EZH1: variants seen among roughly 807,000 people sequenced by gnomAD.
The protein encoded by EZH1 is enhancer of zeste 1 polycomb repressive complex 2 subunit.
EZH1 carries 33 observed loss-of-function variants against 100.5 expected under a neutral mutation model. That is an observed-to-expected ratio of 0.33 (90% CI 0.25 to 0.44). The LOEUF is 0.44. Among genes scored for constraint, EZH1 ranks in the 20% least tolerant of loss-of-function variants. EZH1 has a pLI of 1.00. For missense variants in EZH1, 475 were observed against 928.4 expected (o/e 0.51, Z 6.35); for synonymous variants, 272 against 313.8 (o/e 0.87, Z 1.41).
At chr17:42,733,377 C>T (rs910966754) in intron 1 of EZH1, among the ~76,000 whole-genome samples, 2 of 151,164 alleles carry the variant, frequency 1.3e-5, no homozygotes, top group Non-Finnish European at 2.9e-5. Context: ...GTGGCTCACG[C>T]CTGTAATCCC....
In EZH1 at chr17:42,712,434, G is replaced by A. The variant is rs1475668758; in HGVS notation, c.1256C>T (p.Pro419Leu). Reference protein sequence around the residue: ...TPTKQKASPAPPQLCVVEAPS... With the variant: ...TPTKQKASPALPQLCVVEAPS... Reference sequence around the variant, plus strand: ...TGCTTCCACTACGCAGAGTTGAGGTGGGGCTGGACTAGCCTTCTGTTTTGT... The same window carrying A: ...TGCTTCCACTACGCAGAGTTGAGGTAGGGCTGGACTAGCCTTCTGTTTTGT... Residue 419 changes from proline (P) to leucine (L), a missense_variant, in exon 12 of 21, where the codon CCA (proline) becomes CTA (leucine). Physicochemically the swap from Pro to Leu is moderately conservative, Grantham distance 98. Around this residue, in one of 8 missense-constraint regions of EZH1, gnomAD observed 83 missense variants for 142.1 expected, o/e 0.58. Transcript: ENST00000428826. 6.2e-7 allele frequency: 1 copy of A among 1,614,088 alleles called. No individual in the cohort carries two copies. The highest frequency in any genetic ancestry group is 2.2e-5 in the East Asian group (1 of 44,900).
intron 15 of EZH1, among the ~76,000 whole-genome samples, chr17:42,707,496 G>A (rs971288647): frequency 2.0e-5 from 3 of 152,186 alleles, no homozygotes; most frequent in Non-Finnish European, 4.4e-5. Context: ...CTGACCTTAA[G>A]TGATCTGCCC....
chr17:42,719,512 G>A (rs530341912), intron 7 of EZH1, among the ~76,000 whole-genome samples: 10 of 152,240 alleles, frequency 6.6e-5, no homozygotes, highest in Admixed American at 5.9e-4. Flanking sequence ...CGAGGGGAGC[G>A]GATCACTTGA....
intron 16 of EZH1, chr17:42,705,479 T>C (rs969608181): frequency 8.2e-6 from 2 of 242,670 alleles, no homozygotes; most frequent in African/African-American, 2.3e-5. Context: ...CAAAGGTGCA[T>C]ACACCTCGCA....
chr17:42,720,307 T>C lies in EZH1; in HGVS notation c.630A>G (p.Pro210=), dbSNP rs2053681201. ...GKQDDSKEDL[P]VTRKRKRHAI... ...CATGTCGCTTTCTCTTTCTTGTTAC[T>C]GGCAGATCTTCTTTGCTGTCATCCT... is the stretch of plus-strand genomic sequence containing the variant. The change falls in exon 7 of 21, where the codon CCA becomes CCG. Residue 210 remains proline, a synonymous_variant. Coordinates refer to ENST00000428826, the MANE Select transcript of EZH1 (RefSeq NM_001991.5). The C allele has an allele frequency of 6.2e-7, 1 of 1,614,100 alleles. No individual in the cohort carries two copies. The highest frequency in any genetic ancestry group is 1.1e-5 in the South Asian group (1 of 91,064).
At chr17:42,738,880 C>A (rs1323180975) in intron 1 of EZH1, among the ~76,000 whole-genome samples, 2 of 151,616 alleles carry the variant, frequency 1.3e-5, no homozygotes, top group Non-Finnish European at 2.9e-5. Flanking sequence ...TTGCCTCCAC[C>A]CCCCCTGAGT....
In EZH1 at chr17:42,723,035, C is replaced by G. The variant is rs2053746229; in HGVS notation, c.367-120G>C. ...TGAGTCTCCTGAAAATGCCTTTGTC[C>G]CAGAGTTTCCTGCATTTTAAACACT... On this transcript the variant is annotated intron_variant, in intron 5 of 20. Coordinates refer to ENST00000428826, the MANE Select transcript of EZH1 (RefSeq NM_001991.5). 2.2e-5 allele frequency: 30 copies of G among 1,385,816 alleles called. 2 individuals are homozygous for G. In the South Asian group the frequency reaches 4.3e-4, roughly 20 times the overall value. The allele number at this position is 1,385,816 out of a possible 1,614,324, so 85.8% of individuals were successfully genotyped here.
At chr17:42,744,889 A>G in intron 1 of EZH1, 122 bp downstream of exon 1, 1 of 1,056,272 alleles carries the variant, frequency 9.5e-7, no homozygotes, top group South Asian at 1.5e-5. Flanking sequence ...CCAGGCAGGC[A>G]GTGTGTCCCT....
intron 19 of EZH1, chr17:42,703,332 GC>G: frequency 3.4e-6 from 1 of 291,418 alleles, no homozygotes. Flanking sequence ...ACACCACCAC[GC>G]CCCCCAGCTG....
Position 42,725,782 on chromosome 17 carries a change from A to G in EZH1, c.247-1358T>C, listed in dbSNP as rs536206795. On this transcript the variant is annotated intron_variant, in intron 4 of 20. Transcript: ENST00000428826. ...AGACAGTGGACATCAACTTAGCTGC[A>G]TAGGTGATAGGGATAGTACATGGAG... 5.9e-5 allele frequency among the ~76,000 whole-genome samples: 9 copies of G among 152,368 alleles called. No individual in the cohort carries two copies. The South Asian group carries it at 1.0e-3, about 18-fold the overall frequency.
chr17:42,742,434 A>G (rs1435818107), intron 1 of EZH1, among the ~76,000 whole-genome samples: 2 of 152,116 alleles, frequency 1.3e-5, no homozygotes, highest in Non-Finnish European at 2.9e-5. Context: ...GTAAGCCATC[A>G]GCCCAGCCTC....
At position 42,739,955 on chromosome 17, in the gene EZH1, T is replaced by C. The variant is rs187766796; in HGVS notation, c.-103+5056A>G. ...CCCACCACCATGCCCAGCTAATTTT[T>C]TGTGTTTTCAGTAGAGACAGGGTTT... On this transcript the variant is annotated intron_variant, in intron 1 of 20. Coordinates refer to ENST00000428826, the MANE Select transcript of EZH1 (RefSeq NM_001991.5). 4.6e-3 allele frequency among the ~76,000 whole-genome samples: 693 copies of C among 151,588 alleles called. 13 individuals carry two copies. Among genetic ancestry groups the C allele is most frequent in the African/African-American group, 0.016 (663 of 41,368 alleles).
chr17:42,737,142 C>T (rs1258113597), intron 1 of EZH1, among the ~76,000 whole-genome samples: 1 of 152,060 alleles, frequency 6.6e-6, no homozygotes, highest in Non-Finnish European at 1.5e-5. Context: ...CATGCCACCG[C>T]GCCGAGCTAA....
intron 5 of EZH1, among the ~76,000 whole-genome samples, chr17:42,723,170 A>C (rs1454984905): frequency 6.6e-6 from 1 of 152,056 alleles, no homozygotes; most frequent in Non-Finnish European, 1.5e-5. Context: ...AGGTCAGGAG[A>C]TCGAGACCAT....
intron 2 of EZH1, among the ~76,000 whole-genome samples, 159 bp downstream of exon 2, chr17:42,730,669 T>C (rs1020361860): frequency 3.2e-4 from 48 of 151,432 alleles, no homozygotes; most frequent in African/African-American, 1.2e-3. Context: ...GCTAATTTTT[T>C]GTATTTTTAG....
chr17:42,711,575 G>A (rs1489529580), intron 12 of EZH1, among the ~76,000 whole-genome samples: 3 of 152,014 alleles, frequency 2.0e-5, no homozygotes, highest in East Asian at 1.9e-4. Flanking sequence ...CTTGGGAGGC[G>A]GAGGTTGCAG....
At chr17:42,742,526 A>G (rs908168965) in intron 1 of EZH1, among the ~76,000 whole-genome samples, 1 of 152,216 alleles carries the variant, frequency 6.6e-6, no homozygotes, top group Non-Finnish European at 1.5e-5. Flanking sequence ...GCTGGGCCTT[A>G]GCATCAAGTT....
chr17:42,705,976 T>C, intron 16 of EZH1, 31 bp downstream of exon 16: 1 of 1,563,578 alleles, frequency 6.4e-7, no homozygotes, highest in Non-Finnish European at 8.7e-7. Flanking sequence ...CTCCATTTTA[T>C]GTGGTGTGGG....
rs151331376 is a variant in EZH1 at position 42,722,000 on chromosome 17, A to G, written c.487+795T>C. On this transcript the variant is annotated intron_variant, in intron 6 of 20. Transcript: ENST00000428826. ...CCCCATCCCTACTAAAAATACAAAA[A>G]AGTAGCCGGGTGTGGTAGGCGCCTG... 9.7e-3 allele frequency among the ~76,000 whole-genome samples: 1,470 copies of G among 151,906 alleles called. 25 individuals carry two copies. Among genetic ancestry groups the G allele is most frequent in the African/African-American group, 0.034 (1,416 of 41,408 alleles).
Sources: gnomAD v4.1 joint callset for allele counts (sites outside exome capture counted in the v4.1 genomes callset) on GRCh38, gnomAD v4.1.1 for gene constraint, gnomAD v4.1.1 regional missense constraint, MANE v1.5 for transcripts, NCBI Gene and HGNC (gene_info 2026-07-23, HGNC 2026-07-21) for gene names.